PRKAG2: variants seen among roughly 807,000 people sequenced by gnomAD.
PRKAG2 encodes 5'-AMP-activated protein kinase subunit gamma-2.
Under a neutral mutation model 69.6 loss-of-function variants are expected in PRKAG2, and 26 were observed. The ratio of observed to expected loss-of-function variants is 0.37; its 90% CI spans 0.27 to 0.52. PRKAG2 has a LOEUF of 0.52. Among genes scored for constraint, PRKAG2 ranks in the 20% least tolerant of loss-of-function variants. The pLI, the probability that PRKAG2 is intolerant of heterozygous loss-of-function variation, is 0.90. For missense variants in PRKAG2, 557 were observed against 740.0 expected (o/e 0.75, Z 2.87); for synonymous variants, 293 against 285.0 (o/e 1.03, Z -0.28).
At position 151,814,662 on chromosome 7, in the gene PRKAG2, G is replaced by A. The variant is rs559242390; in HGVS notation, c.115-28121C>T. 1.3e-5 allele frequency: 16 copies of A among 1,231,830 alleles called. No individual in the cohort carries two copies. Among genetic ancestry groups the A allele is most frequent in the South Asian group, 1.2e-4 (3 of 24,326 alleles). The allele number at this position is 1,231,830 out of a possible 1,614,324, so 76.3% of individuals were successfully genotyped here. A position where few individuals can be genotyped will look rare whatever the true frequency, so the allele number is the denominator to read the frequency against. On this transcript the variant is annotated intron_variant, in intron 1 of 15. Coordinates refer to ENST00000287878, the MANE Select transcript of PRKAG2 (RefSeq NM_016203.4). This position sits in a 1 kb window ranked among gnomAD's most constrained non-coding sequence, Gnocchi z 4.8. The stretch of plus-strand genomic sequence containing the variant: ...TGCATGTCTGCAACAGATGGGGACC[G>A]GGGCTGGGTGTGTTCCCAGTCCCCA...
Position 151,814,476 on chromosome 7 carries a change from T to C in PRKAG2, c.115-27935A>G. The C allele has an allele frequency of 1.6e-6, 2 of 1,230,658 alleles. No individual in the cohort carries two copies. The highest frequency in any genetic ancestry group is 4.3e-5 in the South Asian group (1 of 23,496). The allele number at this position is 1,230,658 out of a possible 1,614,324, so 76.2% of individuals were successfully genotyped here. A position where few individuals can be genotyped will look rare whatever the true frequency, so the allele number is the denominator to read the frequency against. On this transcript the variant is annotated intron_variant, in intron 1 of 15. Coordinates refer to ENST00000287878, the MANE Select transcript of PRKAG2 (RefSeq NM_016203.4). This position sits in a 1 kb window ranked among gnomAD's most constrained non-coding sequence, Gnocchi z 4.8. ...GATGCTAATAAGCAGTGCAGGCTTG[T>C]AAGCTGCTGGATGGCAGGATGCGAG... is the stretch of plus-strand genomic sequence containing the variant.
intron 1 of PRKAG2, among the ~76,000 whole-genome samples, chr7:151,873,235 G>A (rs2080262350): frequency 6.6e-6 from 1 of 152,150 alleles, no homozygotes; most frequent in Admixed American, 6.5e-5. Context: ...ATTCTGTGGG[G>A]TGCTCCCACT....
At chr7:151,685,099 G>A (rs1834522031) in intron 3 of PRKAG2, among the ~76,000 whole-genome samples, 2 of 152,138 alleles carry the variant, frequency 1.3e-5, no homozygotes, top group South Asian at 4.2e-4. Context: ...ACACAGAGCG[G>A]GCCTGCCTGA....
chr7:151,766,461 T>A (rs1024851408), intron 3 of PRKAG2, among the ~76,000 whole-genome samples: 29 of 152,172 alleles, frequency 1.9e-4, no homozygotes, highest in African/African-American at 7.0e-4. Context: ...ACAGACATGT[T>A]CATCTCACTA....
intron 3 of PRKAG2, among the ~76,000 whole-genome samples, chr7:151,678,686 CA>C (rs1386850450): frequency 6.6e-6 from 1 of 152,208 alleles, no homozygotes; most frequent in Non-Finnish European, 1.5e-5. Context: ...AGGCCAGGTG[CA>C]GTGGCTCATG....
chr7:151,744,195 C>T (rs1023009473), intron 3 of PRKAG2, among the ~76,000 whole-genome samples: 2 of 152,190 alleles, frequency 1.3e-5, no homozygotes, highest in African/African-American at 4.8e-5. Context: ...TGACCCAAAA[C>T]ATGCGAGTAA....
intron 3 of PRKAG2, among the ~76,000 whole-genome samples, chr7:151,687,286 G>A (rs1326486833): frequency 1.3e-5 from 2 of 151,974 alleles, no homozygotes; most frequent in Non-Finnish European, 2.9e-5. Context: ...TTGGGCAAAA[G>A]ACAACAGCAG....
intron 3 of PRKAG2, among the ~76,000 whole-genome samples, chr7:151,767,037 G>A (rs1015496034): frequency 3.9e-5 from 6 of 152,172 alleles, no homozygotes; most frequent in African/African-American, 1.4e-4. Flanking sequence ...AGAGGGTCCC[G>A]TAGTCCAATA....
intron 3 of PRKAG2, among the ~76,000 whole-genome samples, chr7:151,687,633 T>G (rs1009808776): frequency 6.6e-6 from 1 of 152,096 alleles, no homozygotes; most frequent in African/African-American, 2.4e-5. Flanking sequence ...AGAACCTCAT[T>G]TTCGGTGGAG....
chr7:151,626,652 C>T (rs1162134471), intron 5 of PRKAG2, among the ~76,000 whole-genome samples: 1 of 152,076 alleles, frequency 6.6e-6, no homozygotes, highest in East Asian at 1.9e-4. Flanking sequence ...GTCAAGAAAC[C>T]TGCAAGTTGA....
At position 151,599,844 on chromosome 7, in the gene PRKAG2, C is replaced by A. The variant is rs576106495; in HGVS notation, c.755-4390G>T. Among the ~76,000 whole-genome samples the A allele has an allele frequency of 7.2e-5, 11 of 152,298 alleles. No individual in the cohort carries two copies. In the South Asian group the frequency reaches 2.3e-3, roughly 32 times the overall value. ...GATTGGGGACCCCTGACCTATAAGA[C>A]CTGGGAGGCCTGGCCCCCGCCTACC... is the stretch of plus-strand genomic sequence containing the variant. On this transcript the variant is annotated intron_variant, in intron 5 of 15. Coordinates refer to ENST00000287878, the MANE Select transcript of PRKAG2 (RefSeq NM_016203.4).
At chr7:151,680,079 CA>C (rs1051688752) in intron 3 of PRKAG2, among the ~76,000 whole-genome samples, 14 of 152,074 alleles carry the variant, frequency 9.2e-5, no homozygotes, top group African/African-American at 2.2e-4. Flanking sequence ...AAAATGAGCC[CA>C]AACTGCACCC....
At chr7:151,603,053 T>G (rs1481236324) in intron 5 of PRKAG2, among the ~76,000 whole-genome samples, 1 of 152,170 alleles carries the variant, frequency 6.6e-6, no homozygotes, top group Non-Finnish European at 1.5e-5. Context: ...TCTCAGTCTT[T>G]GGGTTACACA....
Position 151,699,093 on chromosome 7 carries a change from A to G in PRKAG2, c.467-23456T>C, listed in dbSNP as rs1052183618. ...GCAAGTCTGCAGAGCCAGTCTGCAAACTCTGGGGAGCACCCCTCAATGCCC... is the reference window on the plus strand; with the variant it reads ...GCAAGTCTGCAGAGCCAGTCTGCAAGCTCTGGGGAGCACCCCTCAATGCCC... On this transcript the variant is annotated intron_variant, in intron 3 of 15. Coordinates refer to ENST00000287878, the MANE Select transcript of PRKAG2 (RefSeq NM_016203.4). This position sits in a 1 kb window ranked among gnomAD's most constrained non-coding sequence, Gnocchi z 4.5. Among the ~76,000 whole-genome samples, 5 of 152,062 alleles carry G rather than the reference A, an allele frequency of 3.3e-5. No homozygotes were observed. The highest frequency in any genetic ancestry group is 6.6e-5 in the Admixed American group (1 of 15,260).
chr7:151,749,689 G>A (rs2151732814), intron 3 of PRKAG2, among the ~76,000 whole-genome samples: 1 of 151,728 alleles, frequency 6.6e-6, no homozygotes, highest in South Asian at 2.1e-4. Context: ...CACACAGGTG[G>A]CCAAAAGGTA....
rs34971340 is a variant in PRKAG2, at chr7:151,715,322, C to CAAAAAAAAA, written c.467-39694_467-39686dup. ...TGAGCCACTGCACCTGGCCTAAAAG[C>CAAAAAAAAA]AAAAAAAAAAAAAAAAAAAAAAAAA... On this transcript the variant is annotated intron_variant, in intron 3 of 15. Coordinates refer to ENST00000287878, the MANE Select transcript of PRKAG2 (RefSeq NM_016203.4). Among the ~76,000 whole-genome samples, 236 of 62,428 alleles carry CAAAAAAAAA rather than the reference C, an allele frequency of 3.8e-3. 13 individuals are homozygous for CAAAAAAAAA. The highest frequency in any genetic ancestry group is 0.013 in the African/African-American group (185 of 14,022). The allele number at this position is 62,428 out of a possible 152,430, so 41.0% of individuals were successfully genotyped here. A position where few individuals can be genotyped will look rare whatever the true frequency, so the allele number is the denominator to read the frequency against.
intron 1 of PRKAG2, among the ~76,000 whole-genome samples, chr7:151,790,121 C>T (rs548246581): frequency 2.0e-5 from 3 of 152,124 alleles, no homozygotes; most frequent in Non-Finnish European, 4.4e-5. Flanking sequence ...CTCCAGGGTC[C>T]CATCCCCAGC....
At chr7:151,655,783 A>C (rs760516886) in intron 4 of PRKAG2, among the ~76,000 whole-genome samples, 2 of 152,184 alleles carry the variant, frequency 1.3e-5, no homozygotes, top group Non-Finnish European at 2.9e-5. Context: ...CCTACCTCAT[A>C]GAGCGGTAAG....
intron 3 of PRKAG2, among the ~76,000 whole-genome samples, chr7:151,680,025 C>A (rs1231975692): frequency 2.0e-5 from 3 of 152,142 alleles, no homozygotes; most frequent in African/African-American, 7.2e-5. Flanking sequence ...GCACTCCAGC[C>A]TGGGTGACAC....
Sources: gnomAD v4.1 joint callset for allele counts (sites outside exome capture counted in the v4.1 genomes callset) on GRCh38, gnomAD v4.1.1 for gene constraint, Gnocchi (gnomAD v3.1) non-coding constraint, MANE v1.5 for transcripts, NCBI Gene and HGNC (gene_info 2026-07-23, HGNC 2026-07-21) for gene names.